Variants in EPN2 observed in about 807,000 individuals in gnomAD.
EPN2 encodes the protein epsin-2.
In EPN2, 34 loss-of-function variants were observed where a neutral mutation model predicts 61.7. The ratio of observed to expected loss-of-function variants is 0.55; its 90% CI spans 0.42 to 0.73. The LOEUF (loss-of-function observed/expected upper bound fraction) is 0.73. Ranked by LOEUF, EPN2 falls within the 30% of genes least tolerant of loss-of-function variation. EPN2 has a pLI of 0.00. For synonymous variants in EPN2, 349 were observed against 353.6 expected, an observed-to-expected ratio of 0.99 and a Z score of 0.15; for missense variants, 714 against 839.2, an observed-to-expected ratio of 0.85 and a Z score of 1.84.
intron 7 of EPN2, among the ~76,000 whole-genome samples, chr17:19,314,299 G>A (rs1284366530): frequency 8.5e-6 from 1 of 117,140 alleles, no homozygotes; most frequent in Non-Finnish European, 1.9e-5. Context: ...GATGAGATGA[G>A]ACTCAGTACA....
chr17:19,275,079 C>G (rs1273996131), intron 1 of EPN2, among the ~76,000 whole-genome samples: 1 of 152,158 alleles, frequency 6.6e-6, no homozygotes, highest in South Asian at 2.1e-4. Flanking sequence ...GTTGGGGTTG[C>G]CTCCTTCACA....
chr17:19,280,575 C>T (rs1326035131), intron 1 of EPN2, among the ~76,000 whole-genome samples: 1 of 152,184 alleles, frequency 6.6e-6, no homozygotes, highest in Admixed American at 6.5e-5. Context: ...GAGAGAAGGC[C>T]TCCTTGGCCA....
intron 4 of EPN2, among the ~76,000 whole-genome samples, chr17:19,297,623 A>G (rs2045533427): frequency 6.6e-6 from 1 of 152,146 alleles, no homozygotes; most frequent in Non-Finnish European, 1.5e-5. Flanking sequence ...CAGGCAGTGC[A>G]GAGTGGCTGT....
At chr17:19,239,652 C>G (rs1164458008) in intron 1 of EPN2, among the ~76,000 whole-genome samples, 1 of 152,082 alleles carries the variant, frequency 6.6e-6, no homozygotes, top group Non-Finnish European at 1.5e-5. Context: ...CCCACAAGTC[C>G]CCGGACCAGG....
intron 1 of EPN2, among the ~76,000 whole-genome samples, chr17:19,261,485 T>C (rs2045141210): frequency 1.3e-5 from 2 of 152,262 alleles, no homozygotes; most frequent in Non-Finnish European, 1.5e-5. Context: ...CATTGTCTTA[T>C]GAGTTATAAA....
At chr17:19,294,361 A>C (rs1485249512) in intron 4 of EPN2, among the ~76,000 whole-genome samples, 1 of 152,212 alleles carries the variant, frequency 6.6e-6, no homozygotes, top group Non-Finnish European at 1.5e-5. Flanking sequence ...TCCAGGCTGC[A>C]GTGAACCAAG....
Position 19,283,338 on chromosome 17 carries a change from T to A in EPN2, c.219T>A (p.His73Gln), listed in dbSNP as rs777052359. 6.2e-7 allele frequency: 1 copy of A among 1,614,022 alleles called. No homozygotes were observed. The highest frequency in any genetic ancestry group is 1.7e-5 in the Admixed American group (1 of 60,018). Reference protein sequence around the residue: ...RLNDHGKNWRHVYKALTLLDY... With the variant: ...RLNDHGKNWRQVYKALTLLDY... ...ATGACCATGGCAAGAACTGGCGGCA[T>A]GTGTACAAGGCGCTGACCCTGCTGG... The change falls in exon 3 of 11, where the codon CAT (histidine) becomes CAA (glutamine). Residue 73 changes from histidine (H) to glutamine (Q), a missense_variant. By Grantham distance (24) the His-to-Gln change is conservative. Coordinates refer to ENST00000314728, the MANE Select transcript of EPN2 (RefSeq NM_014964.5). The surrounding 1 kb of genome is among the most constrained non-coding windows in gnomAD (Gnocchi z 7.0).
Position 19,309,957 on chromosome 17 carries a change from T to A in EPN2, c.839T>A (p.Leu280Gln). Residue 280 changes from leucine (L) to glutamine (Q), a missense_variant, in exon 5 of 11, where the codon CTG becomes CAG. Leu to Gln is a moderately radical substitution (Grantham distance 113). Transcript: ENST00000314728. ...ACTAGTGGAGAAGAGGAGCTTCAGC[T>A]GCAGCTGGCACTTGCCATGAGCAGA... ...PQTSGEEELQLQLALAMSREV... is the reference protein window; with the variant it reads ...PQTSGEEELQQQLALAMSREV... 6.2e-7 allele frequency: 1 copy of A among 1,608,998 alleles called. No homozygotes were observed.
chr17:19,265,734 C>T (rs2045190836), intron 1 of EPN2, among the ~76,000 whole-genome samples: 1 of 152,208 alleles, frequency 6.6e-6, no homozygotes, highest in African/African-American at 2.4e-5. Context: ...GTCCTGGGCA[C>T]CAGCTCCACT....
chr17:19,288,332 C>G (rs1180353343), intron 4 of EPN2, among the ~76,000 whole-genome samples: 1 of 152,238 alleles, frequency 6.6e-6, no homozygotes, highest in African/African-American at 2.4e-5. Flanking sequence ...GCCCCTTGCC[C>G]TCGTGGAGCT....
intron 10 of EPN2, among the ~76,000 whole-genome samples, chr17:19,332,385 A>G (rs1393601360): frequency 6.6e-6 from 1 of 152,046 alleles, no homozygotes; most frequent in African/African-American, 2.4e-5. Flanking sequence ...CAGGTGGAGT[A>G]GGGTGGGCTG....
intron 1 of EPN2, among the ~76,000 whole-genome samples, chr17:19,266,906 G>T (rs542160362): frequency 1.3e-5 from 2 of 148,850 alleles, no homozygotes; most frequent in Admixed American, 1.3e-4. Context: ...CACTGAACCT[G>T]CCGGGCACGG....
chr17:19,265,609 T>TC (rs1033369774), intron 1 of EPN2, among the ~76,000 whole-genome samples: 2 of 152,246 alleles, frequency 1.3e-5, no homozygotes, highest in Admixed American at 1.3e-4. Context: ...TCTACTTGCC[T>TC]CCTCCTTAAT....
intron 7 of EPN2, among the ~76,000 whole-genome samples, chr17:19,320,737 C>T (rs1470852818): frequency 6.6e-6 from 1 of 152,222 alleles, no homozygotes; most frequent in Admixed American, 6.5e-5. Flanking sequence ...CTTAGATAAT[C>T]AGGATGGAGA....
At chr17:19,292,840 G>T (rs865775210) in intron 4 of EPN2, among the ~76,000 whole-genome samples, 1 of 152,216 alleles carries the variant, frequency 6.6e-6, no homozygotes, top group Non-Finnish European at 1.5e-5. Flanking sequence ...CAGGGCAGAT[G>T]AGGTTAATAA....
At chr17:19,273,971 G>C (rs1187359053) in intron 1 of EPN2, 1 of 152,212 alleles carries the variant, frequency 6.6e-6, no homozygotes. Context: ...GAGCCCGTGT[G>C]GTTTGGTCAT....
intron 5 of EPN2, 34 bp from the exon 6 acceptor site, chr17:19,312,018 A>G: frequency 1.4e-6 from 2 of 1,394,224 alleles, no homozygotes; most frequent in Non-Finnish European, 2.0e-6. Context: ...CAGTGATGTT[A>G]TTACAATTAC....
intron 1 of EPN2, among the ~76,000 whole-genome samples, chr17:19,251,118 G>A (rs1597970592): frequency 1.3e-5 from 2 of 152,120 alleles, no homozygotes; most frequent in Admixed American, 1.3e-4. Context: ...AGTCTTTATA[G>A]TGTACCTTTA....
At chr17:19,291,524 G>A (rs544358719) in intron 4 of EPN2, among the ~76,000 whole-genome samples, 68 of 134,758 alleles carry the variant, frequency 5.0e-4, no homozygotes, top group Middle Eastern at 4.5e-3. Flanking sequence ...TGCAAGCTCC[G>A]CTTCCTGGGT....
Sources: allele counts gnomAD v4.1 joint callset (sites outside exome capture counted in the v4.1 genomes callset), GRCh38; gene constraint gnomAD v4.1.1; non-coding constraint Gnocchi (gnomAD v3.1); transcripts MANE v1.5; gene names NCBI Gene and HGNC (gene_info 2026-07-23, HGNC 2026-07-21).